Variants in FMN2 observed in about 807,000 individuals in gnomAD.
FMN2 encodes the protein formin-2.
In FMN2, 51 loss-of-function variants were observed where a neutral mutation model predicts 142.3. The observed-to-expected ratio is 0.36, with a 90% CI of 0.29 to 0.45. The LOEUF is 0.45. Among genes scored for constraint, FMN2 ranks in the 20% least tolerant of loss-of-function variants. The probability of loss-of-function intolerance (pLI) is 1.00; values close to 1 mark genes in which losing one functional copy is unlikely to be tolerated. For missense variants in FMN2, 1,936 were observed against 2,122.8 expected, an observed-to-expected ratio of 0.91 and a Z score of 1.73; for synonymous variants, 882 against 869.8, an observed-to-expected ratio of 1.01 and a Z score of -0.25.
At chr1:240,377,510 G>T (rs1264596785) in intron 14 of FMN2, among the ~76,000 whole-genome samples, 1 of 152,104 alleles carries the variant, frequency 6.6e-6, no homozygotes, top group African/African-American at 2.4e-5. Context: ...TATATTAGCA[G>T]TGCTGTGTTC....
chr1:240,205,770 C>T (rs889852923), intron 4 of FMN2, among the ~76,000 whole-genome samples: 5 of 151,100 alleles, frequency 3.3e-5, no homozygotes, highest in African/African-American at 1.2e-4. Flanking sequence ...CAATGCCCTT[C>T]TTTCTACTCA....
In FMN2 at chr1:240,291,897, A is replaced by G. The variant is rs1201105815; in HGVS notation, c.4154-2925A>G. ...AAGTTGGCATGGGGAGGTAACATTA[A>G]CCAACTACATGTCAGACCCTTTTAC... On this transcript the variant is annotated intron_variant, in intron 7 of 17. Transcript: ENST00000319653. 2.0e-5 allele frequency among the ~76,000 whole-genome samples: 3 copies of G among 152,194 alleles called. No individual in the cohort carries two copies. The East Asian group carries it at 5.8e-4, about 29-fold the overall frequency.
chr1:240,439,443 G>T (rs972755140), intron 16 of FMN2, among the ~76,000 whole-genome samples: 2 of 152,090 alleles, frequency 1.3e-5, no homozygotes, highest in Non-Finnish European at 2.9e-5. Context: ...CCTTAAATTA[G>T]ATGAATTAAT....
chr1:240,421,869 TG>T (rs1674775618), intron 15 of FMN2, among the ~76,000 whole-genome samples: 1 of 112,490 alleles, frequency 8.9e-6, no homozygotes, highest in Admixed American at 1.1e-4. Context: ...AGGCCTGTGG[TG>T]GGGGTGGGGG....
chr1:240,366,803 G>A (rs900820429), intron 14 of FMN2, among the ~76,000 whole-genome samples: 7 of 152,030 alleles, frequency 4.6e-5, no homozygotes, highest in Non-Finnish European at 5.9e-5. Flanking sequence ...TGCCCGCCTC[G>A]ACCTCCCAAA....
intron 2 of FMN2, among the ~76,000 whole-genome samples, chr1:240,172,049 C>G (rs192590064): frequency 1.5e-4 from 23 of 152,330 alleles, no homozygotes; most frequent in Admixed American, 3.3e-4. Flanking sequence ...CTTATCCATC[C>G]TGACCTTGTC....
At chr1:240,214,352 C>G (rs569090618) in intron 6 of FMN2, among the ~76,000 whole-genome samples, 1 of 151,636 alleles carries the variant, frequency 6.6e-6, no homozygotes, top group African/African-American at 2.4e-5. Flanking sequence ...GAGATGGAGA[C>G]CATCCTGGCT....
intron 16 of FMN2, chr1:240,459,590 A>C (rs1371597028): frequency 6.6e-6 from 1 of 152,002 alleles, no homozygotes; most frequent in African/African-American, 2.4e-5. Context: ...GGTGGCATGC[A>C]CCTGTAGTTG....
chr1:240,198,998 G>A (rs370059448), intron 4 of FMN2, among the ~76,000 whole-genome samples: 38 of 152,080 alleles, frequency 2.5e-4, no homozygotes, highest in African/African-American at 6.0e-4. Flanking sequence ...CCAGCTACTC[G>A]GGAGGCTGAT....
At chr1:240,164,603 T>A (rs941340229) in intron 2 of FMN2, among the ~76,000 whole-genome samples, 1 of 152,172 alleles carries the variant, frequency 6.6e-6, no homozygotes, top group African/African-American at 2.4e-5. Flanking sequence ...TGAAAAATAT[T>A]TTTACAAGGT....
At chr1:240,163,665 G>C (rs1664369939) in intron 2 of FMN2, among the ~76,000 whole-genome samples, 1 of 151,906 alleles carries the variant, frequency 6.6e-6, no homozygotes, top group Admixed American at 6.6e-5. Flanking sequence ...TTTTACTGAA[G>C]TATAACTAAG....
At chr1:240,195,863 A>AT (rs972691143) in intron 4 of FMN2, among the ~76,000 whole-genome samples, 2 of 152,046 alleles carry the variant, frequency 1.3e-5, no homozygotes, top group African/African-American at 4.8e-5. Context: ...ACCAATAATA[A>AT]TAAAAAAAAC....
intron 16 of FMN2, among the ~76,000 whole-genome samples, chr1:240,466,638 C>T (rs1214848281): frequency 6.6e-6 from 1 of 152,188 alleles, no homozygotes; most frequent in Non-Finnish European, 1.5e-5. Context: ...AACAATTTCA[C>T]ACTTTTTTTA....
chr1:240,299,011 C>T (rs545678054), intron 8 of FMN2, among the ~76,000 whole-genome samples: 28 of 151,602 alleles, frequency 1.8e-4, no homozygotes, highest in African/African-American at 6.3e-4. Context: ...AGTGCAGTGG[C>T]GCAGTCTTGG....
chr1:240,181,909 A>ATCTC (rs1665170834), intron 3 of FMN2, among the ~76,000 whole-genome samples: 2 of 152,148 alleles, frequency 1.3e-5, no homozygotes, highest in African/African-American at 4.8e-5. Flanking sequence ...GTCCCATGAC[A>ATCTC]TCCTATTCAT....
intron 6 of FMN2, among the ~76,000 whole-genome samples, chr1:240,239,406 T>C (rs1416288441): frequency 6.6e-6 from 1 of 152,230 alleles, no homozygotes; most frequent in Non-Finnish European, 1.5e-5. Context: ...AGGCTTAAAA[T>C]CACATGTTGA....
chr1:240,344,497 A>G (rs1367930805), intron 13 of FMN2, among the ~76,000 whole-genome samples: 1 of 152,148 alleles, frequency 6.6e-6, no homozygotes, highest in Non-Finnish European at 1.5e-5. Flanking sequence ...CCTCCACACT[A>G]ACATGTATGT....
At chr1:240,352,691 C>T (rs1387628021) in intron 13 of FMN2, among the ~76,000 whole-genome samples, 1 of 152,306 alleles carries the variant, frequency 6.6e-6, no homozygotes, top group East Asian at 1.9e-4. Context: ...ATCTCGGCCT[C>T]ATTTCTTTTA....
At chr1:240,431,259 T>C (rs960486320) in intron 15 of FMN2, among the ~76,000 whole-genome samples, 1 of 151,784 alleles carries the variant, frequency 6.6e-6, no homozygotes, top group African/African-American at 2.4e-5. Context: ...AAAAATACAA[T>C]TGATTTTTAA....
Sources: gnomAD v4.1 joint callset for allele counts (sites outside exome capture counted in the v4.1 genomes callset) on GRCh38, gnomAD v4.1.1 for gene constraint, MANE v1.5 for transcripts, NCBI Gene and HGNC (gene_info 2026-07-23, HGNC 2026-07-21) for gene names.